Variants in ADAMTSL1 observed in about 807,000 individuals in gnomAD.
ADAMTSL1 encodes ADAMTS like 1, also known as ADAMTS-like protein 1.
Under a neutral mutation model 201.8 loss-of-function variants are expected in ADAMTSL1, and 126 were observed. The observed-to-expected ratio is 0.62, with a 90% CI of 0.54 to 0.72. The LOEUF is 0.72. Ranked by LOEUF, ADAMTSL1 falls within the 30% of genes least tolerant of loss-of-function variation. The pLI, the probability that ADAMTSL1 is intolerant of heterozygous loss-of-function variation, is 0.00. For missense variants in ADAMTSL1, 2,679 were observed against 2,277.8 expected (o/e 1.18, Z -3.59); for synonymous variants, 1,121 against 903.4 (o/e 1.24, Z -4.32).
In ADAMTSL1 at chr9:18,243,847, A is replaced by G. The variant is rs1314636841; in HGVS notation, c.207+79866A>G. Reference sequence around the variant, plus strand: ...AATTGAACCCATCTTCCCAGGGAAGACGAGACTCTTCCTGAGCTTCTCTGC... The same window carrying G: ...AATTGAACCCATCTTCCCAGGGAAGGCGAGACTCTTCCTGAGCTTCTCTGC... On this transcript the variant is annotated intron_variant, in intron 2 of 29. Coordinates refer to the ADAMTSL1 transcript ENST00000680146. 2.7e-5 allele frequency among the ~76,000 whole-genome samples: 4 copies of G among 149,960 alleles called. No individual in the cohort carries two copies. In the East Asian group the frequency reaches 7.8e-4, roughly 29 times the overall value.
intron 1 of ADAMTSL1, among the ~76,000 whole-genome samples, chr9:18,145,684 T>A (rs1409439406): frequency 6.6e-6 from 1 of 152,078 alleles, no homozygotes; most frequent in Non-Finnish European, 1.5e-5. Flanking sequence ...AAACCTTGAG[T>A]TTGGTGATGA....
intron 1 of ADAMTSL1, among the ~76,000 whole-genome samples, chr9:18,157,929 A>G (rs1040040511): frequency 6.6e-6 from 1 of 152,034 alleles, no homozygotes; most frequent in Non-Finnish European, 1.5e-5. Flanking sequence ...CAAGCCTGAT[A>G]GAGCAGTATG....
Position 18,088,234 on chromosome 9 carries a change from C to T in ADAMTSL1, c.88-75628C>T, listed in dbSNP as rs148724068. ...GAAATTGTATCTCTATCTTCATATA[C>T]AAAAATCAACTTTAAGTAGATTAAA... is the stretch of plus-strand genomic sequence containing the variant. On this transcript the variant is annotated intron_variant, in intron 1 of 29. Coordinates refer to the ADAMTSL1 transcript ENST00000680146. Among the ~76,000 whole-genome samples, 98 of 152,170 alleles carry T rather than the reference C, an allele frequency of 6.4e-4. 1 individual carries two copies. The East Asian group carries it at 0.018, about 28-fold the overall frequency.
intron 1 of ADAMTSL1, among the ~76,000 whole-genome samples, chr9:17,932,521 A>G (rs1826837144): frequency 6.6e-6 from 1 of 152,134 alleles, no homozygotes; most frequent in African/African-American, 2.4e-5. Flanking sequence ...TTTTCGTTGA[A>G]GGCGCAGTAG....
intron 1 of ADAMTSL1, among the ~76,000 whole-genome samples, chr9:17,956,065 C>T (rs1326509488): frequency 6.6e-6 from 1 of 152,268 alleles, no homozygotes; most frequent in East Asian, 1.9e-4. Context: ...GTGGAAAAAT[C>T]TGAATAGTTT....
intron 5 of ADAMTSL1, among the ~76,000 whole-genome samples, chr9:18,631,750 AT>A (rs879775507): frequency 3.3e-5 from 5 of 152,184 alleles, no homozygotes; most frequent in Non-Finnish European, 5.9e-5. Flanking sequence ...ATAGATAGAT[AT>A]TTTTTAAAGA....
At chr9:18,891,539 G>T (rs1588322417) in intron 25 of ADAMTSL1, among the ~76,000 whole-genome samples, 1 of 152,190 alleles carries the variant, frequency 6.6e-6, no homozygotes, top group Non-Finnish European at 1.5e-5. Context: ...TTACAGGTGG[G>T]CTTTGTGAGA....
intron 9 of ADAMTSL1, among the ~76,000 whole-genome samples, chr9:18,671,215 AG>A (rs1829790051): frequency 6.6e-6 from 1 of 152,166 alleles, no homozygotes; most frequent in Admixed American, 6.5e-5. Flanking sequence ...AGTTAGTATT[AG>A]GGGTGTTAAG....
chr9:18,436,475 G>T (rs537932936), intron 2 of ADAMTSL1, among the ~76,000 whole-genome samples: 1 of 152,190 alleles, frequency 6.6e-6, no homozygotes, highest in Non-Finnish European at 1.5e-5. Flanking sequence ...ACTTGATTCT[G>T]TATCCTTCTT....
intron 8 of ADAMTSL1, among the ~76,000 whole-genome samples, chr9:18,659,869 G>A (rs186445312): frequency 6.6e-6 from 1 of 151,924 alleles, no homozygotes; most frequent in African/African-American, 2.4e-5. Context: ...TTTTACTAAT[G>A]ACTGGCATAG....
intron 2 of ADAMTSL1, among the ~76,000 whole-genome samples, chr9:18,309,143 A>T (rs1189715050): frequency 2.0e-5 from 3 of 149,924 alleles, no homozygotes; most frequent in South Asian, 2.1e-4. Flanking sequence ...ACACCTATTC[A>T]TGCTAAAAAC....
intron 2 of ADAMTSL1, among the ~76,000 whole-genome samples, chr9:18,249,581 A>C (rs1276965106): frequency 6.6e-6 from 1 of 152,190 alleles, no homozygotes; most frequent in African/African-American, 2.4e-5. Context: ...AAAAAAAATT[A>C]GGCTACTTCA....
intron 2 of ADAMTSL1, among the ~76,000 whole-genome samples, chr9:18,401,469 G>T (rs1817981557): frequency 6.6e-6 from 1 of 152,188 alleles, no homozygotes; most frequent in African/African-American, 2.4e-5. Context: ...AAGTACCAAT[G>T]CCTGCACCAG....
At chr9:17,990,455 A>G (rs2131497383) in intron 1 of ADAMTSL1, among the ~76,000 whole-genome samples, 1 of 152,214 alleles carries the variant, frequency 6.6e-6, no homozygotes, top group Non-Finnish European at 1.5e-5. Context: ...TAAGACTCTC[A>G]GTGGCCATGA....
chr9:18,551,084 G>T (rs151175338), intron 3 of ADAMTSL1, among the ~76,000 whole-genome samples: 21 of 151,858 alleles, frequency 1.4e-4, no homozygotes, highest in African/African-American at 4.8e-4. Context: ...AGAGAGAAAA[G>T]AATCAAAAAG....
At chr9:18,294,105 G>C (rs1280571433) in intron 2 of ADAMTSL1, among the ~76,000 whole-genome samples, 1 of 152,116 alleles carries the variant, frequency 6.6e-6, no homozygotes, top group African/African-American at 2.4e-5. Flanking sequence ...AGGCATTACT[G>C]GGGATAAATG....
intron 1 of ADAMTSL1, among the ~76,000 whole-genome samples, chr9:18,485,881 A>C (rs1821966124): frequency 6.6e-6 from 1 of 152,230 alleles, no homozygotes; most frequent in Admixed American, 6.5e-5. Flanking sequence ...AAAAGTTTCA[A>C]GATTATTACA....
intron 23 of ADAMTSL1, among the ~76,000 whole-genome samples, chr9:18,873,014 C>G (rs1316625953): frequency 6.6e-6 from 1 of 152,174 alleles, no homozygotes; most frequent in Non-Finnish European, 1.5e-5. Flanking sequence ...TACAGCCATT[C>G]TTGCAGGAGT....
At chr9:17,993,619 CTTTCTT>C (rs1194247264) in intron 1 of ADAMTSL1, among the ~76,000 whole-genome samples, 1 of 152,112 alleles carries the variant, frequency 6.6e-6, no homozygotes, top group Non-Finnish European at 1.5e-5. Context: ...CACCCTTAGT[CTTTCTT>C]TTAGTTAACA....
Sources: gnomAD v4.1 joint callset for allele counts (sites outside exome capture counted in the v4.1 genomes callset) on GRCh38, gnomAD v4.1.1 for gene constraint, MANE v1.5 for transcripts, NCBI Gene and HGNC (gene_info 2026-07-23, HGNC 2026-07-21) for gene names.